The following EGLN1 variants were observed in gnomAD, a reference collection of about 807,000 sequenced individuals.
The protein encoded by EGLN1 is egl-9 family hypoxia inducible factor 1.
Under a neutral mutation model 38.3 loss-of-function variants are expected in EGLN1, and 17 were observed. The observed-to-expected ratio is 0.44, with a 90% CI of 0.30 to 0.67. The LOEUF is 0.67. EGLN1 is among the 30% of genes least tolerant of loss of function. The pLI, the probability that EGLN1 is intolerant of heterozygous loss-of-function variation, is 0.08. For synonymous variants in EGLN1, 283 were observed against 257.5 expected (o/e 1.10, Z -0.95); for missense variants, 477 against 603.3 (o/e 0.79, Z 2.19).
At chr1:231,377,403 A>G (rs191587601) in intron 1 of EGLN1, among the ~76,000 whole-genome samples, 101 of 152,372 alleles carry the variant, frequency 6.6e-4, no homozygotes, top group African/African-American at 2.3e-3. Context: ...AAGAAACCAA[A>G]GAGGCTGAGC....
intron 1 of EGLN1, among the ~76,000 whole-genome samples, chr1:231,405,519 T>C (rs966930762): frequency 1.3e-4 from 20 of 152,202 alleles, no homozygotes; most frequent in Non-Finnish European, 4.4e-5. Flanking sequence ...AATAATCATC[T>C]ACTCAACAAC....
At chr1:231,379,391 A>G (rs1688028738) in intron 1 of EGLN1, among the ~76,000 whole-genome samples, 1 of 152,270 alleles carries the variant, frequency 6.6e-6, no homozygotes, top group Non-Finnish European at 1.5e-5. Context: ...TTTCTACAGC[A>G]TATTTGTGGT....
chr1:231,416,092 C>A (rs2102941743), intron 1 of EGLN1, among the ~76,000 whole-genome samples: 1 of 152,262 alleles, frequency 6.6e-6, no homozygotes, highest in African/African-American at 2.4e-5. Flanking sequence ...ACCTTGTGAT[C>A]CACCCGCCTC....
chr1:231,384,402 G>A (rs1387326522), intron 1 of EGLN1, among the ~76,000 whole-genome samples: 10 of 99,290 alleles, frequency 1.0e-4, no homozygotes, highest in African/African-American at 1.4e-4. Flanking sequence ...CAAGCATTAC[G>A]AAGAAAAAAA....
intron 1 of EGLN1, among the ~76,000 whole-genome samples, chr1:231,395,712 G>T (rs1381937160): frequency 6.6e-6 from 1 of 152,142 alleles, no homozygotes; most frequent in Non-Finnish European, 1.5e-5. Context: ...AGTGCTCTGG[G>T]ATACATCGAT....
Position 231,413,145 on chromosome 1 carries a change from G to T in EGLN1, c.891+7853C>A, listed in dbSNP as rs555134154. 3.3e-5 allele frequency among the ~76,000 whole-genome samples: 5 copies of T among 151,966 alleles called. No individual in the cohort carries two copies. In the East Asian group the frequency reaches 9.7e-4, roughly 30 times the overall value. On this transcript the variant is annotated intron_variant, in intron 1 of 4. Coordinates refer to ENST00000366641, the MANE Select transcript of EGLN1 (RefSeq NM_022051.3). ...GGTTGGAGTGCGGTGGCATCATCTTGGCTCACTGCAAGCTCCACCTCCTGG... is the reference window on the plus strand; with the variant it reads ...GGTTGGAGTGCGGTGGCATCATCTTTGCTCACTGCAAGCTCCACCTCCTGG...
At chr1:231,392,371 C>G (rs1055742025) in intron 1 of EGLN1, among the ~76,000 whole-genome samples, 3 of 152,110 alleles carry the variant, frequency 2.0e-5, no homozygotes, top group African/African-American at 7.2e-5. Context: ...TAAAAATTTT[C>G]CACTATAATA....
intron 2 of EGLN1, among the ~76,000 whole-genome samples, chr1:231,373,436 A>G (rs1687877527): frequency 6.6e-6 from 1 of 152,232 alleles, no homozygotes; most frequent in African/African-American, 2.4e-5. Flanking sequence ...TTTCTAAAAA[A>G]GTTAGATTTT....
At chr1:231,390,844 CTATTAT>C (rs1300971036) in intron 1 of EGLN1, among the ~76,000 whole-genome samples, 1 of 130,830 alleles carries the variant, frequency 7.6e-6, no homozygotes, top group Non-Finnish European at 1.7e-5. Flanking sequence ...ATTATCTTTA[CTATTAT>C]TAATTTTTTT....
At chr1:231,380,674 A>G (rs1362358224) in intron 1 of EGLN1, among the ~76,000 whole-genome samples, 2 of 152,288 alleles carry the variant, frequency 1.3e-5, no homozygotes, top group African/African-American at 4.8e-5. Flanking sequence ...TTATTGCATG[A>G]GCTTATATTC....
In EGLN1 at chr1:231,421,941, C is replaced by T; in HGVS notation, c.-53G>A. On this transcript the variant is annotated 5_prime_UTR_variant, in exon 1 of 5. Coordinates refer to ENST00000366641, the MANE Select transcript of EGLN1 (RefSeq NM_022051.3). The surrounding 1 kb of genome is among the most constrained non-coding windows in gnomAD (Gnocchi z 5.5). ...TGCGGCGGCCGAGCAGGAGGGGTAG[C>T]GGCCGGACGGCCTCGCCCGAGGCTG... 2.2e-6 allele frequency: 3 copies of T among 1,341,036 alleles called. No individual in the cohort carries two copies. The highest frequency in any genetic ancestry group is 9.5e-7 in the Non-Finnish European group (1 of 1,057,246). 83.1% of individuals were successfully genotyped at this position (1,341,036 alleles called of 1,614,324 possible).
chr1:231,404,246 T>C (rs866600733), intron 1 of EGLN1, among the ~76,000 whole-genome samples: 12 of 152,282 alleles, frequency 7.9e-5, no homozygotes, highest in African/African-American at 2.6e-4. Context: ...ATGAGCCAAA[T>C]TTGACAGCAC....
At chr1:231,390,933 A>C (rs1233357245) in intron 1 of EGLN1, among the ~76,000 whole-genome samples, 1 of 151,814 alleles carries the variant, frequency 6.6e-6, no homozygotes, top group Non-Finnish European at 1.5e-5. Context: ...CCGCAACGTC[A>C]AACTCCTGAG....
At chr1:231,375,886 G>C (rs1687946338) in intron 1 of EGLN1, among the ~76,000 whole-genome samples, 1 of 152,178 alleles carries the variant, frequency 6.6e-6, no homozygotes, top group South Asian at 2.1e-4. Context: ...TTATTCATGG[G>C]AAAGAAGGGG....
rs1489752896 is a variant in EGLN1 at position 231,365,761 on chromosome 1, T to A, written c.*650A>T. On this transcript the variant is annotated 3_prime_UTR_variant, in exon 5 of 5. Coordinates refer to ENST00000366641, the MANE Select transcript of EGLN1 (RefSeq NM_022051.3). ...CAATTAGGTTTCGTTATTGACAATG[T>A]CAAAAAAAAAGCAGCAATCTTTAAC... 1.3e-5 allele frequency: 2 copies of A among 150,200 alleles called. No homozygotes were observed. The highest frequency in any genetic ancestry group is 3.9e-4 in the East Asian group (2 of 5,192). The allele number at this position is 150,200 out of a possible 1,614,324, so 9.3% of individuals were successfully genotyped here. A position where few individuals can be genotyped will look rare whatever the true frequency, so the allele number is the denominator to read the frequency against.
chr1:231,403,506 C>T (rs1688713179), intron 1 of EGLN1, among the ~76,000 whole-genome samples: 1 of 152,014 alleles, frequency 6.6e-6, no homozygotes, highest in Admixed American at 6.6e-5. Flanking sequence ...TGCAGTGGCT[C>T]ATGCTTGCTA....
At chr1:231,383,464 G>A (rs1202822254) in intron 1 of EGLN1, among the ~76,000 whole-genome samples, 2 of 152,164 alleles carry the variant, frequency 1.3e-5, no homozygotes, top group South Asian at 2.1e-4. Context: ...ACTTTGTCAC[G>A]GGAATGGGGA....
intron 1 of EGLN1, among the ~76,000 whole-genome samples, chr1:231,389,947 AAAAC>A (rs201690021): frequency 1.3e-4 from 20 of 152,092 alleles, no homozygotes; most frequent in East Asian, 1.9e-4. Flanking sequence ...ATGCTCTCTG[AAAAC>A]AAACAAACAA....
At chr1:231,416,141 G>A (rs898003615) in intron 1 of EGLN1, among the ~76,000 whole-genome samples, 4 of 151,660 alleles carry the variant, frequency 2.6e-5, no homozygotes, top group African/African-American at 7.3e-5. Context: ...GTGAGCCACC[G>A]CACCTGGCCC....
Sources: gnomAD v4.1 joint callset for allele counts (sites outside exome capture counted in the v4.1 genomes callset) on GRCh38, gnomAD v4.1.1 for gene constraint, Gnocchi (gnomAD v3.1) non-coding constraint, MANE v1.5 for transcripts, NCBI Gene and HGNC (gene_info 2026-07-23, HGNC 2026-07-21) for gene names.